ADAM10: variants seen among roughly 807,000 people sequenced by gnomAD.
ADAM10 encodes the protein disintegrin and metalloproteinase domain-containing protein 10.
In ADAM10, 17 loss-of-function variants were observed where a neutral mutation model predicts 90.1. That is an observed-to-expected ratio of 0.19 (90% confidence interval 0.13 to 0.28). The LOEUF (loss-of-function observed/expected upper bound fraction) is 0.28, where lower values mean the gene tolerates loss of function less well. ADAM10 is among the 10% of genes least tolerant of loss of function. The pLI is 1.00. For missense variants in ADAM10, 610 were observed against 914.3 expected (o/e 0.67, Z 4.29); for synonymous variants, 310 against 298.6 (o/e 1.04, Z -0.40).
chr15:58,632,600 C>A (rs866482644), intron 9 of ADAM10, among the ~76,000 whole-genome samples: 1 of 152,170 alleles, frequency 6.6e-6, no homozygotes, highest in Admixed American at 6.5e-5. Context: ...GTTTGCTGAT[C>A]CCTGTTCTGA....
At chr15:58,650,638 T>C (rs1174262116) in intron 5 of ADAM10, among the ~76,000 whole-genome samples, 4 of 152,132 alleles carry the variant, frequency 2.6e-5, no homozygotes, top group African/African-American at 9.7e-5. Flanking sequence ...TAGAACCAAA[T>C]ACCAGTATCA....
intron 10 of ADAM10, among the ~76,000 whole-genome samples, chr15:58,623,439 C>T (rs1285850440): frequency 6.6e-6 from 1 of 152,150 alleles, no homozygotes; most frequent in African/African-American, 2.4e-5. Context: ...TTAACCACAT[C>T]GACTATTTTT....
intron 4 of ADAM10, among the ~76,000 whole-genome samples, chr15:58,666,831 T>G (rs1299611442): frequency 6.6e-6 from 1 of 152,136 alleles, no homozygotes. Flanking sequence ...TTTCCAAATA[T>G]TTCCAAAGCA....
chr15:58,719,440 ATTCT>A (rs1212411497), intron 1 of ADAM10, among the ~76,000 whole-genome samples: 2 of 152,120 alleles, frequency 1.3e-5, no homozygotes, highest in Non-Finnish European at 2.9e-5. Flanking sequence ...AAAAAAAGTG[ATTCT>A]TTGACAAATC....
intron 1 of ADAM10, among the ~76,000 whole-genome samples, chr15:58,729,986 C>CA (rs1899179009): frequency 1.6e-5 from 2 of 124,430 alleles, no homozygotes; most frequent in East Asian, 3.8e-4. Flanking sequence ...AAAACAAAAA[C>CA]AAAACAAACA....
chr15:58,686,647 T>C lies in ADAM10; in HGVS notation c.207-4333A>G, dbSNP rs1485566050. The C allele has an allele frequency of 6.6e-6, 5 of 759,108 alleles. No homozygotes were observed. The African/African-American group carries it at 8.5e-5, about 13-fold the overall frequency. The allele number at this position is 759,108 out of a possible 1,614,324, so 47.0% of individuals were successfully genotyped here. A position where few individuals can be genotyped will look rare whatever the true frequency, so the allele number is the denominator to read the frequency against. Reference sequence around the variant, plus strand: ...TCTAAGAGAGAAGTTTGCTGAGGAATGCCTTCAAGCACAAAGTGATGAATG... The same window carrying C: ...TCTAAGAGAGAAGTTTGCTGAGGAACGCCTTCAAGCACAAAGTGATGAATG... On this transcript the variant is annotated intron_variant, in intron 2 of 15. Coordinates refer to ENST00000260408, the MANE Select transcript of ADAM10 (RefSeq NM_001110.4).
intron 1 of ADAM10, among the ~76,000 whole-genome samples, chr15:58,724,713 T>C (rs1461871774): frequency 6.6e-6 from 1 of 152,096 alleles, no homozygotes; most frequent in Non-Finnish European, 1.5e-5. Context: ...GATCTAAGCA[T>C]GTGAGAAAAT....
In ADAM10 at chr15:58,652,293, T is replaced by A. The variant is rs151154337; in HGVS notation, c.586-6089A>T. Among the ~76,000 whole-genome samples the A allele has an allele frequency of 6.9e-3, 1,044 of 152,312 alleles. 13 individuals are homozygous for A. The highest frequency in any genetic ancestry group is 0.024 in the African/African-American group (998 of 41,568). The stretch of plus-strand genomic sequence containing the variant: ...TTTTTGCTTTGGTTGCCTGTGCTTA[T>A]GGGGTTTTACTCAAGAAATTTTTGT... On this transcript the variant is annotated intron_variant, in intron 5 of 15. Coordinates refer to ENST00000260408, the MANE Select transcript of ADAM10 (RefSeq NM_001110.4).
At chr15:58,601,572 TCTA>T (rs1895112316) in intron 14 of ADAM10, among the ~76,000 whole-genome samples, 1 of 151,788 alleles carries the variant, frequency 6.6e-6, no homozygotes, top group Non-Finnish European at 1.5e-5. Flanking sequence ...GCATATAATT[TCTA>T]CAATATAAGG....
intron 9 of ADAM10, among the ~76,000 whole-genome samples, chr15:58,629,063 T>C (rs1470601595): frequency 6.6e-6 from 1 of 152,236 alleles, no homozygotes; most frequent in African/African-American, 2.4e-5. Flanking sequence ...GGTGTAGCAC[T>C]AGAATTATTC....
chr15:58,702,897 T>C (rs1022505326), intron 2 of ADAM10, among the ~76,000 whole-genome samples: 1 of 152,150 alleles, frequency 6.6e-6, no homozygotes, highest in African/African-American at 2.4e-5. Context: ...ATTGTCACAA[T>C]CCATAAAATA....
intron 11 of ADAM10, among the ~76,000 whole-genome samples, chr15:58,615,276 GAAAAAA>G (rs35628107): frequency 1.2e-5 from 1 of 84,786 alleles, no homozygotes; most frequent in Non-Finnish European, 2.4e-5. Flanking sequence ...TCCGTCTGAA[GAAAAAA>G]AAAAAAAAAA....
chr15:58,620,231 G>A (rs569737953), intron 11 of ADAM10, among the ~76,000 whole-genome samples: 16 of 152,180 alleles, frequency 1.1e-4, no homozygotes, highest in African/African-American at 3.4e-4. Flanking sequence ...TTCGGGAGGC[G>A]AAGGTGGGCA....
rs888667576 is a variant in ADAM10 at position 58,596,047 on chromosome 15, C to G, written c.*1500G>C. ...TAGCATTTTTGGCCTTGCTGGCTTG[C>G]GTCACATTATGAGAATGATTGTGTA... On this transcript the variant is annotated 3_prime_UTR_variant, in exon 16 of 16. Coordinates refer to ENST00000260408, the MANE Select transcript of ADAM10 (RefSeq NM_001110.4). 4 of 150,046 alleles carry G rather than the reference C, an allele frequency of 2.7e-5. No individual in the cohort carries two copies. Among genetic ancestry groups the G allele is most frequent in the Non-Finnish European group, 5.9e-5 (4 of 67,698 alleles). 9.3% of individuals were successfully genotyped at this position (150,046 alleles called of 1,614,324 possible). A position where few individuals can be genotyped will look rare whatever the true frequency, so the allele number is the denominator to read the frequency against.
At chr15:58,747,303 T>C (rs934249418) in intron 1 of ADAM10, 2 of 152,192 alleles carry the variant, frequency 1.3e-5, no homozygotes. Flanking sequence ...CCTAGTAATA[T>C]ACAGAGCAAG....
intron 1 of ADAM10, chr15:58,748,854 A>G: frequency 2.5e-6 from 1 of 398,820 alleles, no homozygotes; most frequent in Non-Finnish European, 4.4e-6. Context: ...CTAGTCTCAG[A>G]TAAGCGGGTG....
chr15:58,597,541 C>G lies in ADAM10; in HGVS notation c.*6G>C. 6.2e-7 allele frequency: 1 copy of G among 1,614,126 alleles called. No homozygotes were observed. The highest frequency in any genetic ancestry group is 8.5e-7 in the Non-Finnish European group (1 of 1,180,020). ...GCACTAGGAAGAACCAAGGCAAAAG[C>G]TGCAGTTAGCGTCTCATGTGTCCCA... is the stretch of plus-strand genomic sequence containing the variant. On this transcript the variant is annotated 3_prime_UTR_variant, in exon 16 of 16. Coordinates refer to ENST00000260408, the MANE Select transcript of ADAM10 (RefSeq NM_001110.4).
rs1894771537 is a variant in ADAM10, at chr15:58,589,019, CAGG to C, written c.*8525_*8527del. 1 of 152,176 alleles carries C rather than the reference CAGG, an allele frequency of 6.6e-6. No homozygotes were observed. The highest frequency in any genetic ancestry group is 2.1e-4 in the South Asian group (1 of 4,834). The allele number at this position is 152,176 out of a possible 1,614,324, so 9.4% of individuals were successfully genotyped here. A position where few individuals can be genotyped will look rare whatever the true frequency, so the allele number is the denominator to read the frequency against. ...ATGACGGAAGGAGGTTGTGCTGCCA[CAGG>C]ATTTAGAATGAGATATGTTAAAAGT... On this transcript the variant is annotated 3_prime_UTR_variant, in exon 16 of 16. Coordinates refer to ENST00000260408, the MANE Select transcript of ADAM10 (RefSeq NM_001110.4).
At chr15:58,680,464 G>A (rs1170015008) in intron 3 of ADAM10, among the ~76,000 whole-genome samples, 1 of 152,068 alleles carries the variant, frequency 6.6e-6, no homozygotes, top group East Asian at 1.9e-4. Context: ...AATATTTCAT[G>A]GGCACTTTGA....
Sources: gnomAD v4.1 joint callset for allele counts (sites outside exome capture counted in the v4.1 genomes callset) on GRCh38, gnomAD v4.1.1 for gene constraint, MANE v1.5 for transcripts, NCBI Gene and HGNC (gene_info 2026-07-23, HGNC 2026-07-21) for gene names.